The following KDM4B variants were observed in gnomAD, a reference collection of about 807,000 sequenced individuals.
KDM4B encodes the protein lysine-specific demethylase 4B.
A neutral mutation model predicts 125.2 loss-of-function variants in KDM4B; 32 were observed. That is an observed-to-expected ratio of 0.26 (90% CI 0.19 to 0.34). KDM4B has a LOEUF of 0.34. KDM4B is among the 10% of genes least tolerant of loss of function. The pLI, the probability that KDM4B is intolerant of heterozygous loss-of-function variation, is 1.00. For synonymous variants in KDM4B, 721 were observed against 677.9 expected (o/e 1.06, Z -0.99); for missense variants, 1,190 against 1,577.7 (o/e 0.75, Z 4.16).
intron 11 of KDM4B, among the ~76,000 whole-genome samples, chr19:5,129,089 CCTT>C (rs958013029): frequency 2.0e-5 from 3 of 152,190 alleles, no homozygotes; most frequent in Admixed American, 6.5e-5. Context: ...GCTCGCCTGT[CCTT>C]CTTGAGAAAC....
chr19:5,128,724 A>G (rs2039491050), intron 11 of KDM4B, among the ~76,000 whole-genome samples: 1 of 149,584 alleles, frequency 6.7e-6, no homozygotes, highest in African/African-American at 2.5e-5. Flanking sequence ...CCAGCCTCCC[A>G]GGGAGGGGGT....
chr19:4,987,008 G>C (rs1049881260), intron 1 of KDM4B, among the ~76,000 whole-genome samples: 1 of 151,706 alleles, frequency 6.6e-6, no homozygotes, highest in Admixed American at 6.6e-5. Flanking sequence ...CTAGGCTGGA[G>C]CGTAGTGGCA....
intron 9 of KDM4B, among the ~76,000 whole-genome samples, chr19:5,102,428 C>T (rs1316024229): frequency 6.6e-6 from 1 of 152,148 alleles, no homozygotes; most frequent in African/African-American, 2.4e-5. Flanking sequence ...TCTAGGGGTC[C>T]TCCCTTGAAG....
chr19:5,107,374 C>G lies in KDM4B; in HGVS notation c.919-3248C>G, dbSNP rs558441457. Among the ~76,000 whole-genome samples the G allele has an allele frequency of 1.8e-3, 272 of 152,332 alleles. 2 individuals carry two copies. The highest frequency in any genetic ancestry group is 6.3e-3 in the African/African-American group (264 of 41,584). On this transcript the variant is annotated intron_variant, in intron 9 of 22. Transcript: ENST00000159111. ...TCTGTCGCGAGTGCTGACAGAGGAC[C>G]ACCAAGTTGGGCAGCAGGAATTGGA...
At chr19:5,074,585 GAGGCCGCCGGC>G (rs2038043682) in intron 7 of KDM4B, 1 of 152,244 alleles carries the variant, frequency 6.6e-6, no homozygotes, top group Non-Finnish European at 1.5e-5. Context: ...GAACTGCGGA[GAGGCCGCCGGC>G]AGGCCGGGCG....
At chr19:5,088,729 A>G (rs979719419) in intron 9 of KDM4B, among the ~76,000 whole-genome samples, 23 of 142,508 alleles carry the variant, frequency 1.6e-4, no homozygotes, top group Non-Finnish European at 3.0e-4. Flanking sequence ...AGATTTTGAC[A>G]TCCTCAAGAG....
intron 1 of KDM4B, among the ~76,000 whole-genome samples, chr19:4,999,016 T>C (rs2035287945): frequency 6.6e-6 from 1 of 152,180 alleles, no homozygotes. Flanking sequence ...CTAACATTAC[T>C]ATTGTACCAT....
chr19:4,972,289 C>T (rs775426006), intron 1 of KDM4B, among the ~76,000 whole-genome samples: 2 of 145,224 alleles, frequency 1.4e-5, no homozygotes, highest in Admixed American at 1.3e-4. Flanking sequence ...AGTCACTTCC[C>T]CTCTCTGGGC....
rs2035527585 is a variant in KDM4B at position 5,005,464 on chromosome 19, G to A, written c.-108-10793G>A. On this transcript the variant is annotated intron_variant, in intron 1 of 22. Transcript: ENST00000159111. ...CAGCTGCCACTTAGGGGACCTCATT[G>A]AGCTTCCTGAAGACCCCACGATGAG... 2.6e-5 allele frequency among the ~76,000 whole-genome samples: 4 copies of A among 152,224 alleles called. No homozygotes were observed. The South Asian group carries it at 8.3e-4, about 32-fold the overall frequency.
chr19:4,980,332 G>A (rs2034592190), intron 1 of KDM4B, among the ~76,000 whole-genome samples: 1 of 151,578 alleles, frequency 6.6e-6, no homozygotes, highest in Admixed American at 6.6e-5. Flanking sequence ...ACACTGTGTG[G>A]CCTGTTGTGT....
chr19:5,148,528 A>G (rs2039890392), intron 21 of KDM4B, among the ~76,000 whole-genome samples: 1 of 152,094 alleles, frequency 6.6e-6, no homozygotes, highest in Non-Finnish European at 1.5e-5. Flanking sequence ...GCCTGACTGA[A>G]TCACTGTGTG....
chr19:5,137,133 T>C (rs1393941572), intron 15 of KDM4B, 129 bp from the exon 16 acceptor site: 8 of 654,224 alleles, frequency 1.2e-5, no homozygotes, highest in African/African-American at 8.9e-5. Context: ...TGCAGCTGCG[T>C]GCGGAGGCCT....
At chr19:5,047,907 C>T (rs572622185) in intron 6 of KDM4B, among the ~76,000 whole-genome samples, 6 of 152,298 alleles carry the variant, frequency 3.9e-5, no homozygotes, top group South Asian at 2.1e-4. Context: ...CTTTGTACCC[C>T]GGAGTGCCCC....
Position 5,135,627 on chromosome 19 carries a change from G to C in KDM4B, c.2308+66G>C, listed in dbSNP as rs539346715. Reference sequence around the variant, plus strand: ...TCAGGGTGTTGGTGGGGGTGCCGGTGGGGGCTCCATCCTCCCCTGCGGAGG... The same window carrying C: ...TCAGGGTGTTGGTGGGGGTGCCGGTCGGGGCTCCATCCTCCCCTGCGGAGG... On this transcript the variant is annotated intron_variant, in intron 15 of 22. Transcript: ENST00000159111. The C allele has an allele frequency of 3.2e-5, 44 of 1,378,212 alleles. No individual in the cohort carries two copies. In the African/African-American group the frequency reaches 5.9e-4, roughly 18 times the overall value. 85.4% of individuals were successfully genotyped at this position (1,378,212 alleles called of 1,614,324 possible). A position where few individuals can be genotyped will look rare whatever the true frequency, so the allele number is the denominator to read the frequency against.
At chr19:5,120,099 G>C (rs1350817361) in intron 11 of KDM4B, among the ~76,000 whole-genome samples, 2 of 152,232 alleles carry the variant, frequency 1.3e-5, no homozygotes, top group Non-Finnish European at 2.9e-5. Flanking sequence ...GCTCCCACCT[G>C]TAATCCTAGC....
intron 9 of KDM4B, among the ~76,000 whole-genome samples, chr19:5,085,877 G>C (rs928964451): frequency 6.6e-6 from 1 of 152,250 alleles, no homozygotes; most frequent in African/African-American, 2.4e-5. Flanking sequence ...AGGCTGGAGA[G>C]TCTGTTAGAG....
chr19:5,126,738 C>T (rs188525986), intron 11 of KDM4B, among the ~76,000 whole-genome samples: 3 of 152,224 alleles, frequency 2.0e-5, no homozygotes, highest in African/African-American at 7.2e-5. Flanking sequence ...CCTCTGGGAC[C>T]GTCAGGCGCA....
chr19:5,093,991 G>A (rs1034798291), intron 9 of KDM4B, among the ~76,000 whole-genome samples: 1 of 152,238 alleles, frequency 6.6e-6, no homozygotes, highest in African/African-American at 2.4e-5. Context: ...GGAGGCAGAG[G>A]CTGAGATGGG....
chr19:5,042,825 C>T (rs1436732557), intron 5 of KDM4B, among the ~76,000 whole-genome samples: 2 of 151,722 alleles, frequency 1.3e-5, no homozygotes, highest in Non-Finnish European at 1.5e-5. Context: ...CCGGCCCCAC[C>T]GCCGACACCG....
Sources: gnomAD v4.1 joint callset for allele counts (sites outside exome capture counted in the v4.1 genomes callset) on GRCh38, gnomAD v4.1.1 for gene constraint, MANE v1.5 for transcripts, NCBI Gene and HGNC (gene_info 2026-07-23, HGNC 2026-07-21) for gene names.